Variants in FGF7 observed in about 807,000 individuals in gnomAD.
FGF7 encodes the protein fibroblast growth factor 7.
A neutral mutation model predicts 20.5 loss-of-function variants in FGF7; 6 were observed. That is an observed-to-expected ratio of 0.29 (90% CI 0.16 to 0.58). FGF7 has a LOEUF of 0.58. Among genes scored for constraint, FGF7 ranks in the 20% least tolerant of loss-of-function variants. FGF7 has a pLI of 0.90. For synonymous variants in FGF7, 64 were observed against 74.7 expected, an observed-to-expected ratio of 0.86 and a Z score of 0.74; for missense variants, 144 against 228.8, an observed-to-expected ratio of 0.63 and a Z score of 2.39.
At chr15:49,447,875 TTTTG>T (rs2052371609) in intron 2 of FGF7, among the ~76,000 whole-genome samples, 2 of 151,690 alleles carry the variant, frequency 1.3e-5, no homozygotes, top group Non-Finnish European at 3.0e-5. Flanking sequence ...TAGGTTTGAC[TTTTG>T]TTTTTCATGC....
chr15:49,461,438 T>A lies in FGF7; in HGVS notation c.287-21713T>A, dbSNP rs188845648. Among the ~76,000 whole-genome samples the A allele has an allele frequency of 4.5e-4, 68 of 152,040 alleles. 1 individual carries two copies. Among genetic ancestry groups the A allele is most frequent in the African/African-American group, 1.4e-3 (57 of 41,502 alleles). ...ATCATCCAAACTATAAAAAGAGGAG[T>A]GGCTTATCTGACATCATGTCTATTT... On this transcript the variant is annotated intron_variant, in intron 2 of 3. Coordinates refer to ENST00000267843, the MANE Select transcript of FGF7 (RefSeq NM_002009.4).
intron 2 of FGF7, among the ~76,000 whole-genome samples, chr15:49,473,371 A>G (rs796483045): frequency 7.2e-5 from 11 of 152,304 alleles, no homozygotes; most frequent in African/African-American, 2.4e-4. Flanking sequence ...TGAGTTAAAT[A>G]TAAGTTATTA....
rs139567874 is a variant in FGF7 at position 49,455,288 on chromosome 15, G to A, written c.287-27863G>A. Among the ~76,000 whole-genome samples, 103 of 152,146 alleles carry A rather than the reference G, an allele frequency of 6.8e-4. 1 individual carries two copies. The highest frequency in any genetic ancestry group is 2.0e-3 in the African/African-American group (85 of 41,510). On this transcript the variant is annotated intron_variant, in intron 2 of 3. Coordinates refer to ENST00000267843, the MANE Select transcript of FGF7 (RefSeq NM_002009.4). ...GGCCATGGTATCCCTAATGTATAGC[G>A]CTTATATTTGTTATGAATTCATCTA... is the stretch of plus-strand genomic sequence containing the variant.
At chr15:49,471,979 T>C (rs1387410636) in intron 2 of FGF7, among the ~76,000 whole-genome samples, 1 of 151,444 alleles carries the variant, frequency 6.6e-6, no homozygotes, top group Non-Finnish European at 1.5e-5. Context: ...CAGGTGTTGT[T>C]TTCATTTTTT....
At chr15:49,458,390 G>A (rs538496281) in intron 2 of FGF7, among the ~76,000 whole-genome samples, 39 of 152,072 alleles carry the variant, frequency 2.6e-4, no homozygotes, top group East Asian at 1.2e-3. Context: ...AAACATGCAC[G>A]TCCAGCATAG....
At chr15:49,455,644 C>T (rs2053215232) in intron 2 of FGF7, among the ~76,000 whole-genome samples, 2 of 151,992 alleles carry the variant, frequency 1.3e-5, no homozygotes, top group Non-Finnish European at 2.9e-5. Flanking sequence ...AATCTAATGT[C>T]CTATATTTCT....
chr15:49,440,533 T>C, intron 2 of FGF7, among the ~76,000 whole-genome samples: 1 of 151,890 alleles, frequency 6.6e-6, no homozygotes, highest in South Asian at 2.1e-4. Context: ...AAAATGAACA[T>C]ATTGTTGTAC....
intron 2 of FGF7, among the ~76,000 whole-genome samples, chr15:49,450,237 C>A (rs1321460622): frequency 2.0e-5 from 3 of 152,098 alleles, no homozygotes. Flanking sequence ...AATTGAACAA[C>A]TGATGAAGTG....
Position 49,483,632 on chromosome 15 carries a change from A to G in FGF7, c.390+378A>G, listed in dbSNP as rs1443439861. Among the ~76,000 whole-genome samples, 5 of 152,020 alleles carry G rather than the reference A, an allele frequency of 3.3e-5. No homozygotes were observed. The East Asian group carries it at 9.6e-4, about 29-fold the overall frequency. Reference sequence around the variant, plus strand: ...GCTGACATGAAAATTCTTGGGAAAAAATCTTGAAATGTTTAGTTCATTCAT... The same window carrying G: ...GCTGACATGAAAATTCTTGGGAAAAGATCTTGAAATGTTTAGTTCATTCAT... On this transcript the variant is annotated intron_variant, in intron 3 of 3. Coordinates refer to ENST00000267843, the MANE Select transcript of FGF7 (RefSeq NM_002009.4).
Position 49,424,184 on chromosome 15 carries a change from C to T in FGF7, c.-114C>T, listed in dbSNP as rs1264076282. Reference sequence around the variant, plus strand: ...AATTTGGAAAGAGCAACTACTCTTTCTTAAATCAATCTACAATTCACAGAT... The same window carrying T: ...AATTTGGAAAGAGCAACTACTCTTTTTTAAATCAATCTACAATTCACAGAT... On this transcript the variant is annotated 5_prime_UTR_variant, in exon 2 of 4. Coordinates refer to ENST00000267843, the MANE Select transcript of FGF7 (RefSeq NM_002009.4). 96 of 976,292 alleles carry T rather than the reference C, an allele frequency of 9.8e-5. No homozygotes were observed. Among genetic ancestry groups the T allele is most frequent in the Non-Finnish European group, 1.4e-4 (93 of 652,148 alleles). 60.5% of individuals were successfully genotyped at this position (976,292 alleles called of 1,614,324 possible).
chr15:49,431,964 A>G (rs947154714), intron 2 of FGF7, among the ~76,000 whole-genome samples: 2 of 151,742 alleles, frequency 1.3e-5, no homozygotes, highest in Non-Finnish European at 3.0e-5. Context: ...TGAAATGATA[A>G]TAAATTATTA....
chr15:49,472,759 T>A (rs1277900881), intron 2 of FGF7, among the ~76,000 whole-genome samples: 1 of 152,138 alleles, frequency 6.6e-6, no homozygotes, highest in East Asian at 1.9e-4. Context: ...AGAAAAGGGC[T>A]AGAATCAAAA....
chr15:49,447,832 G>A (rs750985899), intron 2 of FGF7, among the ~76,000 whole-genome samples: 2 of 151,668 alleles, frequency 1.3e-5, no homozygotes, highest in Non-Finnish European at 3.0e-5. Flanking sequence ...TAAAATCCAA[G>A]ATTCACAGAA....
intron 2 of FGF7, among the ~76,000 whole-genome samples, chr15:49,438,795 G>T (rs1429128989): frequency 2.0e-5 from 3 of 151,302 alleles, no homozygotes; most frequent in Admixed American, 2.0e-4. Context: ...TTCTTGAATA[G>T]ATTACAGTTG....
intron 2 of FGF7, among the ~76,000 whole-genome samples, chr15:49,448,444 C>T (rs1395126437): frequency 6.6e-6 from 1 of 151,422 alleles, no homozygotes; most frequent in Non-Finnish European, 1.5e-5. Context: ...ATTAAAGTGA[C>T]TGGGTAAATT....
intron 2 of FGF7, among the ~76,000 whole-genome samples, chr15:49,449,952 T>G (rs192517520): frequency 2.6e-5 from 4 of 152,206 alleles, no homozygotes; most frequent in Non-Finnish European, 5.9e-5. Flanking sequence ...CACAGACATA[T>G]GCAAAGAAAA....
chr15:49,481,723 A>G lies in FGF7; in HGVS notation c.287-1428A>G, dbSNP rs375017332. Among the ~76,000 whole-genome samples, 671 of 152,314 alleles carry G rather than the reference A, an allele frequency of 4.4e-3. 10 individuals are homozygous for G. Among genetic ancestry groups the G allele is most frequent in the African/African-American group, 0.016 (645 of 41,568 alleles). ...CTAAAACCACAGTAGGGTTGTATGC[A>G]TTGTGATAATGCTTAATAAATATAT... is the stretch of plus-strand genomic sequence containing the variant. On this transcript the variant is annotated intron_variant, in intron 2 of 3. Transcript: ENST00000267843.
intron 2 of FGF7, among the ~76,000 whole-genome samples, chr15:49,470,410 A>G (rs1159461426): frequency 6.6e-6 from 1 of 152,206 alleles, no homozygotes; most frequent in Non-Finnish European, 1.5e-5. Flanking sequence ...TACAGCTACA[A>G]TTTCACTGTG....
At chr15:49,465,179 G>C (rs2054152551) in intron 2 of FGF7, among the ~76,000 whole-genome samples, 1 of 152,032 alleles carries the variant, frequency 6.6e-6, no homozygotes, top group South Asian at 2.1e-4. Context: ...GCTCAGGCTA[G>C]AGTGCAGTAA....
Sources: allele counts gnomAD v4.1 joint callset (sites outside exome capture counted in the v4.1 genomes callset), GRCh38; gene constraint gnomAD v4.1.1; transcripts MANE v1.5; gene names NCBI Gene and HGNC (gene_info 2026-07-23, HGNC 2026-07-21).